Variants in NFATC1 observed in about 807,000 individuals in gnomAD.
NFATC1 encodes nuclear factor of activated T cells 1, also known as nuclear factor of activated T-cells, cytoplasmic 1.
Under a neutral mutation model 76.0 loss-of-function variants are expected in NFATC1, and 22 were observed. The ratio of observed to expected loss-of-function variants is 0.29; its 90% CI spans 0.21 to 0.41. The LOEUF (loss-of-function observed/expected upper bound fraction) is 0.41, where lower values mean the gene tolerates loss of function less well. NFATC1 is among the 10% of genes least tolerant of loss of function. The probability of loss-of-function intolerance (pLI) is 1.00; values close to 1 mark genes in which losing one functional copy is unlikely to be tolerated. For synonymous variants in NFATC1, 704 were observed against 613.1 expected (o/e 1.15, Z -2.19); for missense variants, 1,357 against 1,337.7 (o/e 1.01, Z -0.23).
At chr18:79,499,371 G>A (rs2089966565) in intron 9 of NFATC1, among the ~76,000 whole-genome samples, 1 of 152,016 alleles carries the variant, frequency 6.6e-6, no homozygotes, top group South Asian at 2.1e-4. Flanking sequence ...CACATAAAAT[G>A]TCAAAAAATG....
intron 6 of NFATC1, among the ~76,000 whole-genome samples, chr18:79,454,953 C>G (rs771057821): frequency 6.6e-6 from 1 of 152,114 alleles, no homozygotes; most frequent in Admixed American, 6.5e-5. Context: ...AGGCACCTCT[C>G]TGTACACGCG....
At chr18:79,484,298 C>G (rs908150462) in intron 8 of NFATC1, among the ~76,000 whole-genome samples, 2 of 152,086 alleles carry the variant, frequency 1.3e-5, no homozygotes, top group Non-Finnish European at 2.9e-5. Context: ...AGGCCTGGCA[C>G]GACCCTCAGC....
intron 1 of NFATC1, among the ~76,000 whole-genome samples, chr18:79,399,592 C>T (rs2148122668): frequency 6.6e-6 from 1 of 152,382 alleles, no homozygotes; most frequent in African/African-American, 2.4e-5. Flanking sequence ...CGCACAGGCT[C>T]GGGCCGCCTA....
chr18:79,486,132 C>A, intron 8 of NFATC1, 116 bp from the exon 9 acceptor site: 1 of 875,588 alleles, frequency 1.1e-6, no homozygotes, highest in Non-Finnish European at 1.8e-6. Context: ...AGGCAGGAGA[C>A]AGAGGGACCC....
At chr18:79,494,185 A>G (rs1378017549) in intron 9 of NFATC1, among the ~76,000 whole-genome samples, 1 of 152,110 alleles carries the variant, frequency 6.6e-6, no homozygotes, top group Non-Finnish European at 1.5e-5. Flanking sequence ...CGCGAGGGAC[A>G]GTGAGAAAGG....
chr18:79,412,226 G>A (rs1173716273), intron 2 of NFATC1, among the ~76,000 whole-genome samples: 13 of 152,216 alleles, frequency 8.5e-5, no homozygotes, highest in African/African-American at 3.1e-4. Flanking sequence ...TATCTCTAAC[G>A]AAACAGCTTT....
chr18:79,445,755 C>G (rs1422274220), intron 3 of NFATC1, among the ~76,000 whole-genome samples: 3 of 152,204 alleles, frequency 2.0e-5, no homozygotes, highest in Non-Finnish European at 2.9e-5. Context: ...AAGCCTGACT[C>G]CAGGTCGCCT....
intron 6 of NFATC1, among the ~76,000 whole-genome samples, chr18:79,458,440 G>T (rs1231361888): frequency 1.3e-5 from 2 of 152,234 alleles, no homozygotes; most frequent in African/African-American, 4.8e-5. Context: ...TGTGGAAACA[G>T]TGGCTCAGCA....
At chr18:79,489,281 A>AG (rs1263606626) in intron 9 of NFATC1, among the ~76,000 whole-genome samples, 1 of 151,908 alleles carries the variant, frequency 6.6e-6, no homozygotes, top group Non-Finnish European at 1.5e-5. Flanking sequence ...GTGGACATGG[A>AG]GGGGATGGGT....
At chr18:79,426,187 T>C (rs1378946638) in intron 2 of NFATC1, among the ~76,000 whole-genome samples, 1 of 151,478 alleles carries the variant, frequency 6.6e-6, no homozygotes, top group Non-Finnish European at 1.5e-5. Flanking sequence ...AAAAAAGAAT[T>C]CGATAATCCT....
intron 9 of NFATC1, among the ~76,000 whole-genome samples, chr18:79,511,329 G>T (rs1002963240): frequency 6.6e-6 from 1 of 152,166 alleles, no homozygotes; most frequent in African/African-American, 2.4e-5. Context: ...CTGCTTCCGC[G>T]TTGGGAGTTT....
intron 8 of NFATC1, among the ~76,000 whole-genome samples, chr18:79,477,831 G>T (rs1053323792): frequency 3.9e-5 from 6 of 152,170 alleles, no homozygotes; most frequent in Non-Finnish European, 7.4e-5. Context: ...CCAAAATCCT[G>T]CCATATCCTC....
At chr18:79,487,829 G>T (rs1341647353) in intron 9 of NFATC1, among the ~76,000 whole-genome samples, 3 of 152,136 alleles carry the variant, frequency 2.0e-5, no homozygotes, top group Non-Finnish European at 2.9e-5. Context: ...TGTGATCGGG[G>T]CGTGCCCGCG....
intron 9 of NFATC1, among the ~76,000 whole-genome samples, chr18:79,504,749 G>A (rs1038424602): frequency 1.5e-4 from 23 of 152,254 alleles, no homozygotes; most frequent in African/African-American, 5.5e-4. Flanking sequence ...AAAAGGCGCA[G>A]CTCTGGAGAC....
At chr18:79,523,737 G>A (rs780053606) in intron 9 of NFATC1, among the ~76,000 whole-genome samples, 3 of 152,186 alleles carry the variant, frequency 2.0e-5, no homozygotes, top group Non-Finnish European at 1.5e-5. Flanking sequence ...GATTCAAAAC[G>A]CCACAGTCGA....
At chr18:79,521,315 ATGTGTGTGTCTG>A (rs2090555674) in intron 9 of NFATC1, among the ~76,000 whole-genome samples, 1 of 50,022 alleles carries the variant, frequency 2.0e-5, no homozygotes, top group African/African-American at 8.8e-5. Context: ...GCGTCTCCTG[ATGTGTGTGTCTG>A]TGTGTGTGTG....
intron 9 of NFATC1, among the ~76,000 whole-genome samples, chr18:79,513,174 C>T (rs1000088986): frequency 2.0e-4 from 31 of 152,272 alleles, no homozygotes; most frequent in African/African-American, 7.5e-4. Flanking sequence ...CAACTCCCGT[C>T]GGCGTAGAGC....
intron 3 of NFATC1, among the ~76,000 whole-genome samples, chr18:79,436,865 C>T (rs1332355284): frequency 6.6e-6 from 1 of 152,062 alleles, no homozygotes; most frequent in African/African-American, 2.4e-5. Context: ...TGAGCGTGCC[C>T]CCTGCCGTCT....
chr18:79,464,436 T>C (rs2088326477), intron 7 of NFATC1, among the ~76,000 whole-genome samples: 1 of 151,948 alleles, frequency 6.6e-6, no homozygotes, highest in African/African-American at 2.4e-5. Flanking sequence ...TTTGCTTTAA[T>C]ATATATATTT....
Sources: gnomAD v4.1 joint callset for allele counts (sites outside exome capture counted in the v4.1 genomes callset) on GRCh38, gnomAD v4.1.1 for gene constraint, MANE v1.5 for transcripts, NCBI Gene and HGNC (gene_info 2026-07-23, HGNC 2026-07-21) for gene names.